FAM149A: variants seen among roughly 807,000 people sequenced by gnomAD.
FAM149A encodes family with sequence similarity 149 member A.
A neutral mutation model predicts 78.2 loss-of-function variants in FAM149A; 71 were observed. The observed-to-expected ratio is 0.91, with a 90% CI of 0.75 to 1.11. The LOEUF (loss-of-function observed/expected upper bound fraction) is 1.11. FAM149A is among the 50% of genes least tolerant of loss of function. FAM149A has a pLI of 0.00. For synonymous variants in FAM149A, 446 were observed against 410.5 expected (o/e 1.09, Z -1.04); for missense variants, 1,036 against 971.0 (o/e 1.07, Z -0.89).
intron 1 of FAM149A, among the ~76,000 whole-genome samples, chr4:186,131,059 A>T (rs1295823190): frequency 1.3e-5 from 2 of 152,126 alleles, no homozygotes; most frequent in Non-Finnish European, 2.9e-5. Flanking sequence ...CCTTATAAGA[A>T]GAGGAAGGGC....
At chr4:186,108,571 A>G (rs1252639057) in intron 1 of FAM149A, among the ~76,000 whole-genome samples, 2 of 152,162 alleles carry the variant, frequency 1.3e-5, no homozygotes, top group African/African-American at 2.4e-5. Flanking sequence ...TGAAAGGCCC[A>G]TGGAACAGAG....
At chr4:186,134,203 T>C (rs889210073) in intron 1 of FAM149A, among the ~76,000 whole-genome samples, 6 of 152,280 alleles carry the variant, frequency 3.9e-5, no homozygotes, top group South Asian at 4.1e-4. Context: ...CTTTTTTACA[T>C]TTTTTGGCAA....
chr4:186,155,187 C>T (rs750168110), intron 6 of FAM149A, among the ~76,000 whole-genome samples: 16 of 151,724 alleles, frequency 1.1e-4, no homozygotes, highest in Non-Finnish European at 2.1e-4. Context: ...AGGATGGTGT[C>T]GATCTCCTGA....
chr4:186,134,378 T>C (rs920860366), intron 1 of FAM149A, among the ~76,000 whole-genome samples: 1 of 152,230 alleles, frequency 6.6e-6, no homozygotes, highest in Admixed American at 6.5e-5. Flanking sequence ...AGCATGTTCA[T>C]GGCTGACTCT....
At position 186,144,984 on chromosome 4, in the gene FAM149A, G is replaced by A. The variant is rs1379849007; in HGVS notation, c.567-4189G>A. The A allele has an allele frequency of 5.1e-6, 5 of 976,256 alleles. No homozygotes were observed. Among genetic ancestry groups the A allele is most frequent in the Non-Finnish European group, 6.1e-6 (5 of 826,144 alleles). 60.5% of individuals were successfully genotyped at this position (976,256 alleles called of 1,614,324 possible). A position where few individuals can be genotyped will look rare whatever the true frequency, so the allele number is the denominator to read the frequency against. On this transcript the variant is annotated intron_variant, in intron 1 of 13. Transcript: ENST00000389354. This position sits in a 1 kb window ranked among gnomAD's most constrained non-coding sequence, Gnocchi z 4.2. ...GCGGGTGGGGAGCCCCAGCCCCGGGGCCGCGGGGGCGCGTGACCGGCTGTC... is the reference window on the plus strand; with the variant it reads ...GCGGGTGGGGAGCCCCAGCCCCGGGACCGCGGGGGCGCGTGACCGGCTGTC...
chr4:186,116,799 A>G (rs1579781488), intron 1 of FAM149A: 1 of 977,966 alleles, frequency 1.0e-6, no homozygotes, highest in African/African-American at 1.8e-5. Context: ...GTGTGTTTAA[A>G]GAACACATGT....
rs144975157 is a variant in FAM149A, at chr4:186,163,620, C to T, written c.1876C>T (p.Arg626Trp). 40 of 1,613,474 alleles carry T rather than the reference C, an allele frequency of 2.5e-5. No individual in the cohort carries two copies. Among genetic ancestry groups the T allele is most frequent in the East Asian group, 1.1e-4 (5 of 44,888 alleles). The change falls in exon 10 of 14, where the codon CGG becomes TGG. Residue 626 changes from arginine (R) to tryptophan (W), a missense_variant. Coordinates refer to ENST00000389354, the MANE Select transcript of FAM149A (RefSeq NM_001367768.3). ...CAACATCTATAGTGACGAAGTTCTT[C>T]GGGGAACAAAACTGTGAGTCTCATT... is the stretch of plus-strand genomic sequence containing the variant.
chr4:186,132,090 C>T (rs1211146962), intron 1 of FAM149A: 21 of 985,302 alleles, frequency 2.1e-5, no homozygotes, highest in Admixed American at 6.2e-5. Flanking sequence ...ACAGATAACA[C>T]GTCATTTCCA....
chr4:186,105,276 G>A lies in FAM149A; in HGVS notation c.200G>A (p.Arg67Gln). 8.4e-7 allele frequency: 1 copy of A among 1,193,942 alleles called. No homozygotes were observed. The highest frequency in any genetic ancestry group is 1.1e-6 in the Non-Finnish European group (1 of 950,112). 74.0% of individuals were successfully genotyped at this position (1,193,942 alleles called of 1,614,324 possible). A position where few individuals can be genotyped will look rare whatever the true frequency, so the allele number is the denominator to read the frequency against. ...GCTCCGGACTCCCCCTCCGCCTCGC[G>A]GCGGTCGCCCGCCCCGCTGCTCTCC... is the stretch of plus-strand genomic sequence containing the variant. The change falls in exon 1 of 14, where the codon CGG becomes CAG. Residue 67 changes from arginine (R) to glutamine (Q), a missense_variant. Physicochemically the swap from Arg to Gln is conservative, Grantham distance 43. Coordinates refer to ENST00000389354, the MANE Select transcript of FAM149A (RefSeq NM_001367768.3).
intron 13 of FAM149A, among the ~76,000 whole-genome samples, chr4:186,168,156 CTGTAGCATAGTGA>C (rs1022081204): frequency 2.6e-5 from 4 of 152,168 alleles, no homozygotes; most frequent in African/African-American, 7.2e-5. Context: ...TCCTGTCGTC[CTGTAGCATAGTGA>C]TGTAGCATAG....
Position 186,132,501 on chromosome 4 carries a change from G to A in FAM149A, c.567-16672G>A, listed in dbSNP as rs572634693. On this transcript the variant is annotated intron_variant, in intron 1 of 13. Coordinates refer to ENST00000389354, the MANE Select transcript of FAM149A (RefSeq NM_001367768.3). ...AAAATATCTAAGACAGGTCTCAACC[G>A]ATTTAGAAATTTTGCCAAGGTTAAG... Among the ~76,000 whole-genome samples the A allele has an allele frequency of 6.6e-5, 10 of 152,280 alleles. No individual in the cohort carries two copies. In the South Asian group the frequency reaches 1.7e-3, roughly 25 times the overall value.
At chr4:186,116,271 C>T in intron 1 of FAM149A, 1 of 168,124 alleles carries the variant, frequency 5.9e-6, no homozygotes, top group Non-Finnish European at 1.2e-5. Flanking sequence ...GTGCGCGCAC[C>T]CACTGACCTG....
At chr4:186,152,987 T>G (rs1362805369) in intron 4 of FAM149A, among the ~76,000 whole-genome samples, 1 of 152,120 alleles carries the variant, frequency 6.6e-6, no homozygotes, top group Non-Finnish European at 1.5e-5. Context: ...TTACATTCAC[T>G]AGGTAACTTT....
At chr4:186,167,455 G>A (rs1189827017) in intron 13 of FAM149A, 193 bp downstream of exon 13, 3 of 645,924 alleles carry the variant, frequency 4.6e-6, no homozygotes, top group African/African-American at 1.8e-5. Context: ...CTTACCTGCT[G>A]TGAGGTCAAG....
At chr4:186,125,552 A>G (rs2099317955) in intron 1 of FAM149A, 2 of 358,652 alleles carry the variant, frequency 5.6e-6, no homozygotes, top group Admixed American at 6.5e-5. Flanking sequence ...AGGGATGTCA[A>G]TGCAGTGAAA....
At chr4:186,119,200 G>A (rs1435806978) in intron 1 of FAM149A, among the ~76,000 whole-genome samples, 1 of 152,010 alleles carries the variant, frequency 6.6e-6, no homozygotes. Context: ...CACATTTAAT[G>A]GTCTCACGAA....
At chr4:186,150,333 T>C (rs1348582304) in intron 3 of FAM149A, among the ~76,000 whole-genome samples, 2 of 151,548 alleles carry the variant, frequency 1.3e-5, no homozygotes, top group African/African-American at 2.4e-5. Flanking sequence ...TTGGGTGTTC[T>C]GTTTTACCTC....
intron 8 of FAM149A, chr4:186,158,430 C>T (rs1161288462): frequency 2.6e-6 from 3 of 1,165,790 alleles, no homozygotes; most frequent in East Asian, 5.8e-5. Flanking sequence ...GAGTTCTGGG[C>T]ATGCGTGACA....
chr4:186,149,849 G>A, intron 3 of FAM149A, 145 bp downstream of exon 3: 1 of 445,946 alleles, frequency 2.2e-6, no homozygotes, highest in South Asian at 2.6e-5. Flanking sequence ...GCATGTACAT[G>A]TTACATGTGA....
Sources: allele counts gnomAD v4.1 joint callset (sites outside exome capture counted in the v4.1 genomes callset), GRCh38; gene constraint gnomAD v4.1.1; non-coding constraint Gnocchi (gnomAD v3.1); transcripts MANE v1.5; gene names NCBI Gene and HGNC (gene_info 2026-07-23, HGNC 2026-07-21).